PTHLH: variants seen among roughly 807,000 people sequenced by gnomAD.
The protein encoded by PTHLH is parathyroid hormone like hormone.
Under a neutral mutation model 18.6 loss-of-function variants are expected in PTHLH, and 5 were observed. The observed-to-expected ratio is 0.27, with a 90% CI of 0.14 to 0.56. PTHLH has a LOEUF of 0.56. Ranked by LOEUF, PTHLH falls within the 20% of genes least tolerant of loss-of-function variation. The pLI is 0.92. For synonymous variants in PTHLH, 90 were observed against 94.0 expected, an observed-to-expected ratio of 0.96 and a Z score of 0.25; for missense variants, 207 against 223.9, an observed-to-expected ratio of 0.92 and a Z score of 0.48.
intron 4 of PTHLH, among the ~76,000 whole-genome samples, chr12:27,965,569 T>C (rs2062805608): frequency 6.6e-6 from 1 of 152,212 alleles, no homozygotes; most frequent in Admixed American, 6.5e-5. Flanking sequence ...GAATGTCAGC[T>C]ACCTTCTAGT....
intron 4 of PTHLH, 184 bp downstream of exon 4, chr12:27,969,210 A>G (rs2062844466): frequency 4.9e-6 from 3 of 606,558 alleles, no homozygotes; most frequent in South Asian, 3.9e-5. Flanking sequence ...TTGAAGATCA[A>G]CCAGTTCTCC....
intron 4 of PTHLH, 122 bp from the exon 5 acceptor site, chr12:27,963,892 TG>T: frequency 1.0e-6 from 1 of 1,000,040 alleles, no homozygotes; most frequent in Admixed American, 2.2e-5. Flanking sequence ...ACAAGCTGGA[TG>T]GGTAGCAAGC....
intron 2 of PTHLH, 23 bp from the exon 3 acceptor site, chr12:27,970,290 G>T: frequency 2.9e-6 from 1 of 348,612 alleles, no homozygotes; most frequent in South Asian, 2.1e-5. Context: ...TGAGCTAGTC[G>T]CAAAGAGGTG....
intron 5 of PTHLH, among the ~76,000 whole-genome samples, chr12:27,961,193 C>A (rs1192980470): frequency 6.6e-6 from 1 of 150,412 alleles, no homozygotes; most frequent in Non-Finnish European, 1.5e-5. Flanking sequence ...TAATTTTCAT[C>A]AATTCTCCAG....
intron 4 of PTHLH, among the ~76,000 whole-genome samples, chr12:27,967,921 A>G (rs2062830913): frequency 6.6e-6 from 1 of 152,234 alleles, no homozygotes; most frequent in East Asian, 1.9e-4. Flanking sequence ...GCTGTTTCTC[A>G]AAAGAGAAAA....
chr12:27,966,802 A>T (rs2062818058), intron 4 of PTHLH, among the ~76,000 whole-genome samples: 1 of 152,176 alleles, frequency 6.6e-6, no homozygotes, highest in Admixed American at 6.5e-5. Context: ...TTAAAAAAAA[A>T]ATCACTCCAA....
intron 5 of PTHLH, among the ~76,000 whole-genome samples, chr12:27,961,311 A>ATACACGTATATATATACG: frequency 9.2e-6 from 1 of 108,724 alleles, no homozygotes; most frequent in Non-Finnish European, 1.9e-5. Flanking sequence ...GTATATATAT[A>ATACACGTATATATATACG]TATATATATA....
At chr12:27,961,964 C>A in intron 5 of PTHLH, 1 of 547,012 alleles carries the variant, frequency 1.8e-6, no homozygotes, top group Non-Finnish European at 3.3e-6. Context: ...TGTTGTTTTC[C>A]TTTTTTTTTT....
intron 2 of PTHLH, among the ~76,000 whole-genome samples, chr12:27,970,993 G>C (rs1016865167): frequency 1.8e-4 from 27 of 152,244 alleles, no homozygotes; most frequent in African/African-American, 5.8e-4. Context: ...ACTGCTGGGA[G>C]ACATCTGGAG....
chr12:27,969,883 C>G (rs746539611), intron 3 of PTHLH, 142 bp downstream of exon 3: 1 of 523,028 alleles, frequency 1.9e-6, no homozygotes, highest in Non-Finnish European at 3.8e-6. Flanking sequence ...AGCAGTTCTC[C>G]TGGGTTCGTG....
Position 27,963,699 on chromosome 12 carries a change from A to G in PTHLH, c.173T>C (p.Phe58Ser). ...TTCTGCGATCAGATGGTGAAGGAAG[A>G]ATCGTCGCCGTAAATCTTGGATGGA... is the stretch of plus-strand genomic sequence containing the variant. ...GKSIQDLRRR[F>S]FLHHLIAEIH... Residue 58 changes from phenylalanine (F) to serine (S), a missense_variant, in exon 5 of 6, where the codon TTC (phenylalanine) becomes TCC (serine). Coordinates refer to ENST00000545234, the MANE Select transcript of PTHLH (RefSeq NM_198965.2). 6.2e-7 allele frequency: 1 copy of G among 1,613,590 alleles called. No homozygotes were observed. Among genetic ancestry groups the G allele is most frequent in the Non-Finnish European group, 8.5e-7 (1 of 1,179,850 alleles).
Position 27,970,184 on chromosome 12 carries a change from C to G in PTHLH, c.-182G>C. Reference sequence around the variant, plus strand: ...GGAGGCGGCAGCCCCGCTTCACGGGCGGGGAGACATGCTGGCCGGGCGGCG... The same window carrying G: ...GGAGGCGGCAGCCCCGCTTCACGGGGGGGGAGACATGCTGGCCGGGCGGCG... On this transcript the variant is annotated 5_prime_UTR_variant, in exon 3 of 6. Coordinates refer to ENST00000545234, the MANE Select transcript of PTHLH (RefSeq NM_198965.2). 1 of 513,352 alleles carries G rather than the reference C, an allele frequency of 1.9e-6. No homozygotes were observed. The highest frequency in any genetic ancestry group is 3.9e-6 in the Non-Finnish European group (1 of 257,466). 31.8% of individuals were successfully genotyped at this position (513,352 alleles called of 1,614,324 possible).
At chr12:27,962,971 A>G in intron 5 of PTHLH, 1 of 1,138,524 alleles carries the variant, frequency 8.8e-7, no homozygotes, top group South Asian at 2.5e-5. Context: ...AAAACACTGA[A>G]GAAAGTTTGC....
chr12:27,962,263 GAA>G, intron 5 of PTHLH: 4 of 289,574 alleles, frequency 1.4e-5, no homozygotes, highest in Non-Finnish European at 1.9e-5. Context: ...TAGATAGATA[GAA>G]ATAGATTATA....
intron 5 of PTHLH, among the ~76,000 whole-genome samples, chr12:27,959,851 A>G (rs1286781973): frequency 6.6e-6 from 1 of 152,230 alleles, no homozygotes; most frequent in Admixed American, 6.5e-5. Context: ...GATGATATGA[A>G]TAAAGCCAAA....
intron 5 of PTHLH, chr12:27,962,114 C>T (rs1188455324): frequency 3.8e-6 from 2 of 523,502 alleles, no homozygotes; most frequent in Admixed American, 3.7e-5. Context: ...GCTTTGGGGC[C>T]ACCTATTTCA....
intron 4 of PTHLH, among the ~76,000 whole-genome samples, chr12:27,967,957 G>GA (rs1215485989): frequency 6.6e-6 from 1 of 152,096 alleles, no homozygotes; most frequent in Non-Finnish European, 1.5e-5. Context: ...CAACTTTAAA[G>GA]AAAAAATTGG....
chr12:27,961,301 G>GTA (rs56920245), intron 5 of PTHLH, among the ~76,000 whole-genome samples: 1,841 of 77,776 alleles, frequency 0.024, 12 homozygotes, highest in East Asian at 0.033. Flanking sequence ...ATATATATAC[G>GTA]TATATATATA....
chr12:27,969,138 A>C, intron 4 of PTHLH: 2 of 521,292 alleles, frequency 3.8e-6, no homozygotes, highest in Admixed American at 3.2e-5. Flanking sequence ...CCTAGAAGAG[A>C]TTCTGTGAAA....
Sources: gnomAD v4.1 joint callset for allele counts (sites outside exome capture counted in the v4.1 genomes callset) on GRCh38, gnomAD v4.1.1 for gene constraint, MANE v1.5 for transcripts, NCBI Gene and HGNC (gene_info 2026-07-23, HGNC 2026-07-21) for gene names.